Variants in STXBP5L observed in about 807,000 individuals in gnomAD.
STXBP5L encodes the protein syntaxin binding protein 5L.
A neutral mutation model predicts 144.5 loss-of-function variants in STXBP5L; 65 were observed. The ratio of observed to expected loss-of-function variants is 0.45; its 90% CI spans 0.37 to 0.55. The LOEUF is 0.55. Ranked by LOEUF, STXBP5L falls within the 20% of genes least tolerant of loss-of-function variation. The pLI is 0.00. For missense variants in STXBP5L, 1,298 were observed against 1,405.5 expected, an observed-to-expected ratio of 0.92 and a Z score of 1.22; for synonymous variants, 505 against 469.6, an observed-to-expected ratio of 1.08 and a Z score of -0.97.
At chr3:121,308,927 T>A (rs1373995916) in intron 19 of STXBP5L, among the ~76,000 whole-genome samples, 2 of 152,148 alleles carry the variant, frequency 1.3e-5, no homozygotes, top group Non-Finnish European at 2.9e-5. Flanking sequence ...TCAGTATACA[T>A]CTGAAGTAGA....
At chr3:121,402,437 C>A (rs925148627) in intron 22 of STXBP5L, among the ~76,000 whole-genome samples, 1 of 152,154 alleles carries the variant, frequency 6.6e-6, no homozygotes, top group Non-Finnish European at 1.5e-5. Flanking sequence ...TTGATCCTAC[C>A]ATTTTCATTG....
intron 3 of STXBP5L, among the ~76,000 whole-genome samples, chr3:120,986,260 T>C (rs1942277077): frequency 1.3e-5 from 2 of 152,000 alleles, no homozygotes; most frequent in African/African-American, 4.8e-5. Flanking sequence ...ATCCTTTGTA[T>C]GTTCTGTATT....
chr3:121,237,657 A>C (rs572081756), intron 12 of STXBP5L, among the ~76,000 whole-genome samples: 1 of 152,288 alleles, frequency 6.6e-6, no homozygotes, highest in East Asian at 1.9e-4. Flanking sequence ...GTCCCTTTTA[A>C]TTATAGATTC....
chr3:121,391,249 G>T (rs748940491), intron 22 of STXBP5L, among the ~76,000 whole-genome samples: 1 of 152,006 alleles, frequency 6.6e-6, no homozygotes, highest in Non-Finnish European at 1.5e-5. Context: ...GTCATTTAAG[G>T]TCTTCTCTAC....
chr3:121,318,411 G>A, intron 19 of STXBP5L, 64 bp from the exon 20 acceptor site: 4 of 1,293,600 alleles, frequency 3.1e-6, no homozygotes, highest in Non-Finnish European at 4.2e-6. Context: ...TAGGAATTAA[G>A]AAATAAGAAT....
In STXBP5L at chr3:121,411,338, G is replaced by A. The variant is rs371749432; in HGVS notation, c.2949-1820G>A. Among the ~76,000 whole-genome samples the A allele has an allele frequency of 1.1e-3, 173 of 152,078 alleles. 4 individuals are homozygous for A. In the South Asian group the frequency reaches 0.033, roughly 29 times the overall value. On this transcript the variant is annotated intron_variant, in intron 23 of 26. Coordinates refer to ENST00000471454, the MANE Select transcript of STXBP5L (RefSeq NM_001308330.2). ...TATAGTTACAAACCACTTTGATAAA[G>A]GAAATCAGTATTTTTTTCAAGGTGC...
chr3:121,063,581 C>T (rs1183068116), intron 5 of STXBP5L, among the ~76,000 whole-genome samples: 1 of 152,204 alleles, frequency 6.6e-6, no homozygotes, highest in Non-Finnish European at 1.5e-5. Flanking sequence ...TCTGCTGAAG[C>T]TGCGCCAACA....
At chr3:120,976,642 G>T (rs1941059870) in intron 3 of STXBP5L, among the ~76,000 whole-genome samples, 1 of 152,018 alleles carries the variant, frequency 6.6e-6, no homozygotes, top group Non-Finnish European at 1.5e-5. Context: ...ATGTTAGGGT[G>T]TCAATTTTGG....
chr3:121,242,544 A>G (rs7630139), intron 14 of STXBP5L, among the ~76,000 whole-genome samples: 15,100 of 152,156 alleles, frequency 0.099, 1,183 homozygotes, highest in Admixed American at 0.2. Flanking sequence ...TGACACGTCA[A>G]AATGGAAGCA....
intron 5 of STXBP5L, among the ~76,000 whole-genome samples, chr3:121,112,131 C>T (rs895379571): frequency 2.6e-5 from 4 of 152,054 alleles, no homozygotes; most frequent in Non-Finnish European, 4.4e-5. Flanking sequence ...TGCCACCCCT[C>T]CCCCCAGGAC....
chr3:121,035,113 A>C (rs946002874), intron 3 of STXBP5L, among the ~76,000 whole-genome samples: 11 of 152,006 alleles, frequency 7.2e-5, no homozygotes, highest in African/African-American at 2.4e-4. Flanking sequence ...TAGATTTTGG[A>C]TGTCAGTCCC....
At chr3:121,166,719 C>T (rs1448924293) in intron 9 of STXBP5L, among the ~76,000 whole-genome samples, 2 of 152,028 alleles carry the variant, frequency 1.3e-5, no homozygotes, top group Non-Finnish European at 2.9e-5. Context: ...GGTCATTGCT[C>T]AATATTAATA....
At chr3:121,118,473 T>C (rs2044323883) in intron 6 of STXBP5L, among the ~76,000 whole-genome samples, 1 of 151,692 alleles carries the variant, frequency 6.6e-6, no homozygotes, top group Non-Finnish European at 1.5e-5. Context: ...TTTGTTGGAA[T>C]GGCTGGTGGA....
intron 14 of STXBP5L, among the ~76,000 whole-genome samples, chr3:121,245,819 A>G (rs2049831823): frequency 6.6e-6 from 1 of 152,224 alleles, no homozygotes; most frequent in African/African-American, 2.4e-5. Context: ...GAAGAAACAA[A>G]CAGAATAACA....
At chr3:121,381,114 A>T (rs181490006) in intron 21 of STXBP5L, among the ~76,000 whole-genome samples, 179 bp from the exon 22 acceptor site, 1 of 152,252 alleles carries the variant, frequency 6.6e-6, no homozygotes, top group African/African-American at 2.4e-5. Flanking sequence ...ATACTTCTAG[A>T]CTTCAGTTTC....
At chr3:121,339,828 A>AC (rs1265553478) in intron 20 of STXBP5L, among the ~76,000 whole-genome samples, 96 of 150,076 alleles carry the variant, frequency 6.4e-4, no homozygotes, top group Middle Eastern at 6.8e-3. Context: ...AAAAAAAAAA[A>AC]CTAGGAATAC....
In STXBP5L at chr3:120,990,293, C is replaced by T. The variant is rs558786674; in HGVS notation, c.287+35256C>T. 2.4e-4 allele frequency among the ~76,000 whole-genome samples: 36 copies of T among 152,170 alleles called. No individual in the cohort carries two copies. The East Asian group carries it at 5.0e-3, about 21-fold the overall frequency. On this transcript the variant is annotated intron_variant, in intron 3 of 26. Coordinates refer to ENST00000471454, the MANE Select transcript of STXBP5L (RefSeq NM_001308330.2). ...TCAAGGAGAACTACAAACCACTGCT[C>T]GATGAAATAAAAGAGGGTACAAACA...
chr3:121,344,443 C>A (rs983270363), intron 20 of STXBP5L, among the ~76,000 whole-genome samples: 1 of 151,904 alleles, frequency 6.6e-6, no homozygotes, highest in African/African-American at 2.4e-5. Flanking sequence ...ACATTGGTCC[C>A]CCTAAGCCCT....
chr3:121,338,136 C>A (rs1188298627), intron 20 of STXBP5L, among the ~76,000 whole-genome samples: 1 of 152,010 alleles, frequency 6.6e-6, no homozygotes, highest in Non-Finnish European at 1.5e-5. Flanking sequence ...TAACATCACA[C>A]CTCAAGGAAC....
Sources: allele counts gnomAD v4.1 joint callset (sites outside exome capture counted in the v4.1 genomes callset), GRCh38; gene constraint gnomAD v4.1.1; transcripts MANE v1.5; gene names NCBI Gene and HGNC (gene_info 2026-07-23, HGNC 2026-07-21).